DLG2: variants seen among roughly 807,000 people sequenced by gnomAD.
DLG2 encodes the protein discs large MAGUK scaffold protein 2, also known as disks large homolog 2.
A neutral mutation model predicts 132.5 loss-of-function variants in DLG2; 45 were observed. The observed-to-expected ratio is 0.34, with a 90% CI of 0.27 to 0.44. The LOEUF is 0.44. Among genes scored for constraint, DLG2 ranks in the 20% least tolerant of loss-of-function variants. The pLI is 1.00. For synonymous variants in DLG2, 424 were observed against 419.6 expected (o/e 1.01, Z -0.13); for missense variants, 1,045 against 1,196.9 (o/e 0.87, Z 1.87).
chr11:84,654,877 C>G (rs1190088509), intron 6 of DLG2, among the ~76,000 whole-genome samples: 7 of 152,142 alleles, frequency 4.6e-5, no homozygotes, highest in Admixed American at 4.6e-4. Context: ...AGACTTCTTA[C>G]CACTCTCTTC....
intron 6 of DLG2, among the ~76,000 whole-genome samples, chr11:84,788,163 T>C (rs2153933077): frequency 8.0e-6 from 1 of 124,660 alleles, no homozygotes. Context: ...ACAAGACACA[T>C]CCAGATAAAG....
chr11:84,759,009 C>T (rs1388742200), intron 6 of DLG2, among the ~76,000 whole-genome samples: 1 of 152,138 alleles, frequency 6.6e-6, no homozygotes, highest in African/African-American at 2.4e-5. Flanking sequence ...TCCTGAGTAT[C>T]TGGAACTACA....
At chr11:84,014,537 C>T (rs764085714) in intron 11 of DLG2, among the ~76,000 whole-genome samples, 17 of 152,266 alleles carry the variant, frequency 1.1e-4, no homozygotes, top group Non-Finnish European at 2.1e-4. Flanking sequence ...GTTCCTATTA[C>T]ACAAATGAGT....
chr11:83,850,564 G>A (rs952200533), intron 16 of DLG2, among the ~76,000 whole-genome samples: 1 of 152,166 alleles, frequency 6.6e-6, no homozygotes, highest in African/African-American at 2.4e-5. Flanking sequence ...CAGGGAATAT[G>A]TGGTGTTTGA....
At chr11:84,803,546 G>A (rs1048449509) in intron 6 of DLG2, among the ~76,000 whole-genome samples, 1 of 152,156 alleles carries the variant, frequency 6.6e-6, no homozygotes, top group Non-Finnish European at 1.5e-5. Context: ...CAGTGATTTA[G>A]ACTCAGGGTT....
At chr11:84,788,647 T>C (rs185667972) in intron 6 of DLG2, among the ~76,000 whole-genome samples, 1 of 152,296 alleles carries the variant, frequency 6.6e-6, no homozygotes, top group Admixed American at 6.5e-5. Context: ...GTGTATGTCA[T>C]ATACTAAATA....
At chr11:84,847,514 T>A (rs1173714074) in intron 6 of DLG2, among the ~76,000 whole-genome samples, 3 of 152,096 alleles carry the variant, frequency 2.0e-5, no homozygotes, top group Admixed American at 6.6e-5. Flanking sequence ...CTGTCCAGTT[T>A]TCAAGCACAA....
At chr11:84,641,634 T>A (rs1017313218) in intron 6 of DLG2, among the ~76,000 whole-genome samples, 3 of 152,194 alleles carry the variant, frequency 2.0e-5, no homozygotes, top group African/African-American at 7.2e-5. Flanking sequence ...GCAGCGTAGT[T>A]TAAGTGGCTC....
At chr11:84,255,004 T>C (rs2097443569) in intron 7 of DLG2, among the ~76,000 whole-genome samples, 1 of 152,320 alleles carries the variant, frequency 6.6e-6, no homozygotes, top group South Asian at 2.1e-4. Flanking sequence ...ACTACCCCAC[T>C]GTGCTGCTAC....
chr11:83,796,824 A>G (rs1312158774), intron 17 of DLG2, among the ~76,000 whole-genome samples: 1 of 152,260 alleles, frequency 6.6e-6, no homozygotes, highest in Non-Finnish European at 1.5e-5. Flanking sequence ...AGAGTGACAC[A>G]TAGCCATTGT....
At chr11:84,668,903 A>G (rs1013518104) in intron 6 of DLG2, among the ~76,000 whole-genome samples, 2 of 152,204 alleles carry the variant, frequency 1.3e-5, no homozygotes, top group African/African-American at 4.8e-5. Context: ...ATATTTGAGC[A>G]TCCACAATGT....
chr11:84,222,514 T>C (rs2096930294), intron 8 of DLG2, among the ~76,000 whole-genome samples: 1 of 152,244 alleles, frequency 6.6e-6, no homozygotes, highest in African/African-American at 2.4e-5. Context: ...TTCTCTTCCT[T>C]AGATACTTAA....
chr11:85,435,376 C>A (rs1450738170), intron 3 of DLG2, among the ~76,000 whole-genome samples: 1 of 152,182 alleles, frequency 6.6e-6, no homozygotes, highest in East Asian at 1.9e-4. Context: ...CAAATTGTCG[C>A]TGTTTGCAGA....
intron 3 of DLG2, among the ~76,000 whole-genome samples, chr11:85,365,417 T>G (rs1161012880): frequency 6.6e-6 from 1 of 152,188 alleles, no homozygotes; most frequent in Non-Finnish European, 1.5e-5. Flanking sequence ...CACAGTTGAA[T>G]GACAAGAGGA....
At chr11:84,480,557 G>GA (rs1202612172) in intron 7 of DLG2, among the ~76,000 whole-genome samples, 7 of 151,870 alleles carry the variant, frequency 4.6e-5, no homozygotes, top group South Asian at 2.1e-4. Context: ...AAAAAAGAAA[G>GA]AAAAAAATGG....
At chr11:84,526,764 C>T (rs2099321768) in intron 7 of DLG2, among the ~76,000 whole-genome samples, 1 of 150,530 alleles carries the variant, frequency 6.6e-6, no homozygotes, top group African/African-American at 2.4e-5. Context: ...TTTCATGCAT[C>T]CACTGGGGGT....
At chr11:83,466,878 A>G in intron 25 of DLG2, 61 bp from the exon 26 acceptor site, 3 of 1,144,946 alleles carry the variant, frequency 2.6e-6, no homozygotes, top group Non-Finnish European at 4.0e-6. Context: ...AATCCAACAA[A>G]AGGAAACTAA....
intron 6 of DLG2, among the ~76,000 whole-genome samples, chr11:84,820,093 A>G (rs1178775161): frequency 6.6e-6 from 1 of 151,080 alleles, no homozygotes; most frequent in Non-Finnish European, 1.5e-5. Flanking sequence ...TCCACAAGAC[A>G]ATGTACAACT....
chr11:84,518,891 C>T (rs1186371411), intron 7 of DLG2, among the ~76,000 whole-genome samples: 2 of 152,100 alleles, frequency 1.3e-5, no homozygotes, highest in African/African-American at 4.8e-5. Flanking sequence ...AAAATACCAA[C>T]CACATTTCTC....
Sources: gnomAD v4.1 joint callset for allele counts (sites outside exome capture counted in the v4.1 genomes callset) on GRCh38, gnomAD v4.1.1 for gene constraint, MANE v1.5 for transcripts, NCBI Gene and HGNC (gene_info 2026-07-23, HGNC 2026-07-21) for gene names.